The following LRRC37A2 variants were observed in gnomAD, a reference collection of about 807,000 sequenced individuals.
The protein encoded by LRRC37A2 is leucine-rich repeat-containing protein 37A2.
A neutral mutation model predicts 68.8 loss-of-function variants in LRRC37A2; 9 were observed. That is an observed-to-expected ratio of 0.13 (90% CI 0.08 to 0.23). LRRC37A2 has a LOEUF of 0.23. Among genes scored for constraint, LRRC37A2 ranks in the 10% least tolerant of loss-of-function variants. The probability of loss-of-function intolerance (pLI) is 1.00; values close to 1 mark genes in which losing one functional copy is unlikely to be tolerated. For synonymous variants in LRRC37A2, 63 were observed against 367.6 expected, an observed-to-expected ratio of 0.17 and a Z score of 9.48; for missense variants, 168 against 950.4, an observed-to-expected ratio of 0.18 and a Z score of 10.82.
chr17:46,771,356 T>TG, the LRRC37A2 span, among the ~76,000 whole-genome samples: 1 of 151,346 alleles, frequency 6.6e-6, no homozygotes, highest in African/African-American at 2.4e-5. Flanking sequence ...GCCCCAGCCC[T>TG]GGGGGCGCCT....
chr17:46,763,956 A>T, the LRRC37A2 span: 7 of 152,132 alleles, frequency 4.6e-5, no homozygotes, highest in African/African-American at 1.4e-4. Context: ...AGAAAATGAG[A>T]CTGAGAAGAA....
chr17:46,910,939 G>A, the LRRC37A2 span, among the ~76,000 whole-genome samples: 3 of 152,334 alleles, frequency 2.0e-5, no homozygotes, highest in African/African-American at 4.8e-5. Context: ...TAAGGAAGCA[G>A]GAGCAGGGAG....
At chr17:46,492,696 T>G in the LRRC37A2 span, among the ~76,000 whole-genome samples, 6,507 of 116,528 alleles carry the variant, frequency 0.056, 8 homozygotes, top group Middle Eastern at 0.12. Flanking sequence ...TTTGTTTTTT[T>G]TTTTTTTTTT....
the LRRC37A2 span, among the ~76,000 whole-genome samples, chr17:46,735,105 C>G: frequency 1.3e-5 from 2 of 152,134 alleles, no homozygotes; most frequent in Non-Finnish European, 2.9e-5. Flanking sequence ...AACATTGCTA[C>G]AGATATCTGC....
At chr17:46,944,915 C>A in the LRRC37A2 span, among the ~76,000 whole-genome samples, 1 of 152,124 alleles carries the variant, frequency 6.6e-6, no homozygotes, top group Non-Finnish European at 1.5e-5. Context: ...TTTTAACTTT[C>A]TAAGGAGTCT....
At chr17:46,721,714 G>T in the LRRC37A2 span, 4 of 1,606,756 alleles carry the variant, frequency 2.5e-6, no homozygotes, top group Non-Finnish European at 3.4e-6. Context: ...TTATGAGCCG[G>T]CTGCTATCTA....
chr17:46,812,076 C>T, the LRRC37A2 span, among the ~76,000 whole-genome samples: 1 of 152,232 alleles, frequency 6.6e-6, no homozygotes, highest in Non-Finnish European at 1.5e-5. Flanking sequence ...TCCAGCCCGT[C>T]GCCATCCAGT....
chr17:46,712,418 A>T, the LRRC37A2 span, among the ~76,000 whole-genome samples: 1 of 152,126 alleles, frequency 6.6e-6, no homozygotes. Context: ...GTTAGATTGG[A>T]TGTGGGCAGA....
At chr17:46,769,633 G>T in the LRRC37A2 span, 2 of 982,260 alleles carry the variant, frequency 2.0e-6, no homozygotes, top group South Asian at 1.5e-5. Flanking sequence ...AAGTGGCTGT[G>T]GGGTGGGGAG....
At chr17:46,854,800 C>T in the LRRC37A2 span, among the ~76,000 whole-genome samples, 5 of 152,070 alleles carry the variant, frequency 3.3e-5, no homozygotes, top group Non-Finnish European at 7.4e-5. Context: ...GCTAGGATTA[C>T]TGGTGCCCCC....
chr17:46,903,484 G>C, the LRRC37A2 span, among the ~76,000 whole-genome samples: 1 of 151,998 alleles, frequency 6.6e-6, no homozygotes, highest in African/African-American at 2.4e-5. Flanking sequence ...CAATCCAGAG[G>C]TTCCCTACCT....
the LRRC37A2 span, among the ~76,000 whole-genome samples, chr17:46,883,378 G>A: frequency 1.3e-5 from 2 of 149,180 alleles, no homozygotes. Flanking sequence ...TCCGCCTCCC[G>A]GGTTCAAGTG....
chr17:46,818,717 A>C, the LRRC37A2 span: 1 of 1,001,794 alleles, frequency 1.0e-6, no homozygotes, highest in African/African-American at 1.6e-5. Flanking sequence ...TCAGAAGCGC[A>C]CCTCCACCCG....
chr17:46,978,393 C>CAAAA, the LRRC37A2 span: 173 of 438,350 alleles, frequency 3.9e-4, no homozygotes, highest in Middle Eastern at 1.2e-3. Flanking sequence ...AACAAACAAA[C>CAAAA]AAAAAAAACT....
chr17:46,862,819 A>G, the LRRC37A2 span, among the ~76,000 whole-genome samples: 3 of 152,128 alleles, frequency 2.0e-5, no homozygotes, highest in Non-Finnish European at 4.4e-5. Context: ...CCTGATCTCA[A>G]GTGATCCGCC....
At chr17:47,032,453 G>A in the LRRC37A2 span, among the ~76,000 whole-genome samples, 2 of 152,254 alleles carry the variant, frequency 1.3e-5, no homozygotes, top group African/African-American at 2.4e-5. Context: ...AGCTTTGCAA[G>A]TAATTTTCAA....
chr17:46,867,939 A>G, the LRRC37A2 span, among the ~76,000 whole-genome samples: 2 of 152,122 alleles, frequency 1.3e-5, no homozygotes, highest in Admixed American at 6.5e-5. Flanking sequence ...ACCAAGGACC[A>G]TGGGGTGAAG....
the LRRC37A2 span, among the ~76,000 whole-genome samples, chr17:46,805,565 AC>A: frequency 1.5e-4 from 23 of 151,946 alleles, no homozygotes; most frequent in African/African-American, 5.3e-4. Context: ...AAGAGTGAAA[AC>A]TCTGTCTCAA....
the LRRC37A2 span, among the ~76,000 whole-genome samples, chr17:46,833,955 G>A: frequency 6.6e-6 from 1 of 152,106 alleles, no homozygotes; most frequent in African/African-American, 2.4e-5. Flanking sequence ...CAGCATCTTG[G>A]GAGTCTGAGG....
Sources: allele counts gnomAD v4.1 joint callset (sites outside exome capture counted in the v4.1 genomes callset), GRCh38; gene constraint gnomAD v4.1.1; transcripts MANE v1.5; gene names NCBI Gene and HGNC (gene_info 2026-07-23, HGNC 2026-07-21).